RB1: variants seen among roughly 807,000 people sequenced by gnomAD.
The protein encoded by RB1 is retinoblastoma-associated protein.
In RB1, 18 loss-of-function variants were observed where a neutral mutation model predicts 135.4. The observed-to-expected ratio is 0.13, with a 90% CI of 0.09 to 0.20. The LOEUF (loss-of-function observed/expected upper bound fraction) is 0.20. Among genes scored for constraint, RB1 ranks in the 10% least tolerant of loss-of-function variants. RB1 has a pLI of 1.00. For missense variants in RB1, 868 were observed against 1,110.0 expected, an observed-to-expected ratio of 0.78 and a Z score of 3.10; for synonymous variants, 365 against 373.2, an observed-to-expected ratio of 0.98 and a Z score of 0.25.
rs183664294 is a variant in RB1, at chr13:48,337,865, G to T, written c.265-4734G>T. Among the ~76,000 whole-genome samples, 341 of 152,322 alleles carry T rather than the reference G, an allele frequency of 2.2e-3. 7 individuals are homozygous for T. The highest frequency in any genetic ancestry group is 0.021 in the Admixed American group (321 of 15,302). ...GTGCTTCCTTCAGGAGCTCTTGTAA[G>T]GCAGGCCTGGTGGTGACAAAATGTC... is the stretch of plus-strand genomic sequence containing the variant. On this transcript the variant is annotated intron_variant, in intron 2 of 26. Coordinates refer to ENST00000267163, the MANE Select transcript of RB1 (RefSeq NM_000321.3).
intron 18 of RB1, among the ~76,000 whole-genome samples, chr13:48,455,499 C>A: frequency 6.6e-6 from 1 of 151,924 alleles, no homozygotes; most frequent in Middle Eastern, 3.4e-3. Context: ...TAATATACTA[C>A]GTGTTGTAGA....
chr13:48,381,171 G>A (rs1213995445), intron 16 of RB1, 76 bp from the exon 17 acceptor site: 2 of 1,504,576 alleles, frequency 1.3e-6, no homozygotes, highest in African/African-American at 2.9e-5. Context: ...TTCTTTGTCT[G>A]ATAATAACTT....
chr13:48,363,240 AC>A (rs978173963), intron 8 of RB1, among the ~76,000 whole-genome samples: 3 of 150,616 alleles, frequency 2.0e-5, no homozygotes, highest in African/African-American at 7.4e-5. Context: ...GGTTACTGAT[AC>A]CCCTAATGTT....
chr13:48,316,100 C>T (rs1796715196), intron 2 of RB1, among the ~76,000 whole-genome samples: 1 of 152,132 alleles, frequency 6.6e-6, no homozygotes, highest in African/African-American at 2.4e-5. Context: ...TGAATCCACC[C>T]AGGCCCAGGG....
chr13:48,463,765 T>G lies in RB1; in HGVS notation c.2141T>G (p.Val714Gly). The G allele has an allele frequency of 6.3e-7, 1 of 1,599,956 alleles. No homozygotes were observed. Among genetic ancestry groups the G allele is most frequent in the Non-Finnish European group, 8.6e-7 (1 of 1,167,414 alleles). Residue 714 changes from valine to glycine, a missense_variant, in exon 21 of 27, where the codon GTG (valine) becomes GGG (glycine). Around this residue, in one of 3 missense-constraint regions of RB1, gnomAD observed 31 missense variants for 78.9 expected, o/e 0.39. Transcript: ENST00000267163. ...TGTTCCATGTATGGCATATGCAAAG[T>G]GAAGAATATAGACCTTAAATTCAAA... ...MMCSMYGICK[V>G]KNIDLKFKII... is the part of the protein sequence containing the mutation.
At chr13:48,365,072 T>A (rs1169074438) in intron 9 of RB1, 101 bp downstream of exon 9, 5 of 1,382,436 alleles carry the variant, frequency 3.6e-6, no homozygotes, top group Non-Finnish European at 4.8e-6. Context: ...TATCACATTT[T>A]TTTTTTGCCC....
chr13:48,450,114 C>G (rs1949317738), intron 17 of RB1, among the ~76,000 whole-genome samples: 1 of 148,332 alleles, frequency 6.7e-6, no homozygotes, highest in Admixed American at 6.7e-5. Context: ...TTTTGCTGTG[C>G]AGAAGCTGTT....
intron 20 of RB1, among the ~76,000 whole-genome samples, chr13:48,461,721 T>C (rs994563703): frequency 7.9e-5 from 12 of 152,202 alleles, no homozygotes; most frequent in African/African-American, 2.9e-4. Context: ...TGGTTTGATT[T>C]GCATTTCTCT....
At chr13:48,317,111 G>T (rs770798375) in intron 2 of RB1, 2 of 906,540 alleles carry the variant, frequency 2.2e-6, no homozygotes, top group Non-Finnish European at 3.0e-6. Context: ...GCAAGTGTGG[G>T]CTTCCAAAGA....
chr13:48,420,678 C>T (rs1430526756), intron 17 of RB1, among the ~76,000 whole-genome samples: 2 of 152,176 alleles, frequency 1.3e-5, no homozygotes, highest in Admixed American at 6.5e-5. Context: ...TGATAAGCAA[C>T]TTCAGCAAAG....
chr13:48,398,957 T>G (rs1287503272), intron 17 of RB1, among the ~76,000 whole-genome samples: 5 of 152,094 alleles, frequency 3.3e-5, no homozygotes, highest in African/African-American at 7.2e-5. Flanking sequence ...TGACTATTGG[T>G]CTGGCTTATT....
intron 13 of RB1, among the ~76,000 whole-genome samples, chr13:48,377,684 T>G (rs981675763): frequency 2.4e-4 from 36 of 152,192 alleles, no homozygotes; most frequent in Admixed American, 2.4e-3. Flanking sequence ...TTTTAAACAT[T>G]GATATTTAAT....
At chr13:48,311,774 C>T (rs1180213034) in intron 2 of RB1, among the ~76,000 whole-genome samples, 1 of 152,302 alleles carries the variant, frequency 6.6e-6, no homozygotes, top group Non-Finnish European at 1.5e-5. Flanking sequence ...GGCACGATCT[C>T]GGCTCACTGC....
In RB1 at chr13:48,304,068, C is replaced by A. The variant is rs999325303; in HGVS notation, c.137+19C>A. On this transcript the variant is annotated intron_variant, in intron 1 of 26. Coordinates refer to ENST00000267163, the MANE Select transcript of RB1 (RefSeq NM_000321.3). Reference sequence around the variant, plus strand: ...TCGTCAGGTGAGCGAGCAGAGCCGCCGTCGCCTCACGCGGGAAGGGCGCCC... The same window carrying A: ...TCGTCAGGTGAGCGAGCAGAGCCGCAGTCGCCTCACGCGGGAAGGGCGCCC... 7.1e-7 allele frequency: 1 copy of A among 1,405,366 alleles called. No homozygotes were observed. Among genetic ancestry groups the A allele is most frequent in the Non-Finnish European group, 9.2e-7 (1 of 1,088,532 alleles). The allele number at this position is 1,405,366 out of a possible 1,614,324, so 87.1% of individuals were successfully genotyped here.
At position 48,463,716 on chromosome 13, in the gene RB1, C is replaced by G. The variant is rs762781001; in HGVS notation, c.2107-15C>G. The G allele has an allele frequency of 7.2e-7, 1 of 1,389,618 alleles. No homozygotes were observed. Among genetic ancestry groups the G allele is most frequent in the Non-Finnish European group, 1.0e-6 (1 of 976,420 alleles). The allele number at this position is 1,389,618 out of a possible 1,614,324, so 86.1% of individuals were successfully genotyped here. A position where few individuals can be genotyped will look rare whatever the true frequency, so the allele number is the denominator to read the frequency against. On this transcript the variant is annotated splice_polypyrimidine_tract_variant and intron_variant, in intron 20 of 26. Transcript: ENST00000267163. ...AATAAAATTCTGACTACTTTTACAT[C>G]AATTTATTTACTAGATTATGATGTG...
At chr13:48,357,690 T>A (rs1952604885) in intron 6 of RB1, among the ~76,000 whole-genome samples, 1 of 152,044 alleles carries the variant, frequency 6.6e-6, no homozygotes, top group Non-Finnish European at 1.5e-5. Flanking sequence ...GTGATGGTGA[T>A]GCTACCCTCT....
intron 17 of RB1, among the ~76,000 whole-genome samples, chr13:48,422,093 A>G (rs1190430373): frequency 6.6e-6 from 1 of 152,228 alleles, no homozygotes; most frequent in Non-Finnish European, 1.5e-5. Flanking sequence ...CAGTATTTAC[A>G]ATAGCAAAGA....
At chr13:48,397,800 G>A (rs9568036) in intron 17 of RB1, among the ~76,000 whole-genome samples, 68,145 of 151,916 alleles carry the variant, frequency 0.45, 18,755 homozygotes, top group Middle Eastern at 0.6. Context: ...AAGCTTTTTT[G>A]GTATTCTTTT....
chr13:48,305,641 A>T (rs1952074745), intron 1 of RB1, among the ~76,000 whole-genome samples: 1 of 150,574 alleles, frequency 6.6e-6, no homozygotes. Context: ...AAGTAATGGA[A>T]CTATAAAAAA....
Sources: allele counts gnomAD v4.1 joint callset (sites outside exome capture counted in the v4.1 genomes callset), GRCh38; gene constraint gnomAD v4.1.1; regional missense constraint gnomAD v4.1.1; transcripts MANE v1.5; gene names NCBI Gene and HGNC (gene_info 2026-07-23, HGNC 2026-07-21).